SCN10A: variants seen among roughly 807,000 people sequenced by gnomAD.
SCN10A encodes the protein sodium channel protein type 10 subunit alpha.
SCN10A carries 162 observed loss-of-function variants against 170.7 expected under a neutral mutation model. The ratio of observed to expected loss-of-function variants is 0.95; its 90% CI spans 0.84 to 1.08. SCN10A has a LOEUF of 1.08. Among genes scored for constraint, SCN10A ranks in the 50% least tolerant of loss-of-function variants. The pLI is 0.00. For missense variants in SCN10A, 2,527 were observed against 2,436.9 expected, an observed-to-expected ratio of 1.04 and a Z score of -0.78; for synonymous variants, 985 against 904.6, an observed-to-expected ratio of 1.09 and a Z score of -1.59.
At chr3:38,699,518 C>T (rs1420061888) in intron 27 of SCN10A, among the ~76,000 whole-genome samples, 1 of 152,114 alleles carries the variant, frequency 6.6e-6, no homozygotes, top group Non-Finnish European at 1.5e-5. Flanking sequence ...TGCCAGGTTC[C>T]CTGGGCCCTC....
In SCN10A at chr3:38,736,963, G is replaced by GTTTTTTTTTTTTTTTTTTTTTTTTT. The variant is rs71085334; in HGVS notation, c.2280+2527_2280+2551dup. Among the ~76,000 whole-genome samples, 4 of 46,684 alleles carry GTTTTTTTTTTTTTTTTTTTTTTTTT rather than the reference G, an allele frequency of 8.6e-5. 1 individual carries two copies. The highest frequency in any genetic ancestry group is 2.0e-3 in the South Asian group (2 of 976). 30.6% of individuals were successfully genotyped at this position (46,684 alleles called of 152,430 possible). On this transcript the variant is annotated intron_variant, in intron 15 of 27. Transcript: ENST00000449082. Reference sequence around the variant, plus strand: ...TTCCCCAAGTGTAGCAGAAATGTTCGTTTTTTTTTTTTTTTTTTTTTTTTT... The same window carrying GTTTTTTTTTTTTTTTTTTTTTTTTT: ...TTCCCCAAGTGTAGCAGAAATGTTCGTTTTTTTTTTTTTTTTTTTTTTTTTTTTTTTTTTTTTTTTTTTTTTTTTT...
chr3:38,702,939 C>A (rs2063171921), intron 26 of SCN10A, among the ~76,000 whole-genome samples: 1 of 152,068 alleles, frequency 6.6e-6, no homozygotes, highest in Non-Finnish European at 1.5e-5. Context: ...TCCTTGATCC[C>A]AACCCCATTC....
chr3:38,735,737 C>G (rs1264318302), intron 15 of SCN10A, among the ~76,000 whole-genome samples: 2 of 152,176 alleles, frequency 1.3e-5, no homozygotes, highest in African/African-American at 4.8e-5. Context: ...GCAAATGGAG[C>G]AAGGCTTTAA....
Position 38,794,059 on chromosome 3 carries a change from TA to T in SCN10A, c.-32-18del. The T allele has an allele frequency of 6.4e-7, 1 of 1,567,438 alleles. No homozygotes were observed. The highest frequency in any genetic ancestry group is 1.1e-5 in the South Asian group (1 of 87,838). On this transcript the variant is annotated intron_variant, in intron 1 of 27. Transcript: ENST00000449082. ...ATTTATACTCTTATAAGAGTGGACA[TA>T]ACCACAGAGAGGTGACAGCTTGCCC...
At chr3:38,736,966 T>TTTTTTTTTTTTTTG (rs2063569220) in intron 15 of SCN10A, among the ~76,000 whole-genome samples, 1 of 68,460 alleles carries the variant, frequency 1.5e-5, no homozygotes, top group African/African-American at 1.3e-4. Context: ...AATGTTCGTT[T>TTTTTTTTTTTTTTG]TTTTTTTTTT....
intron 4 of SCN10A, among the ~76,000 whole-genome samples, chr3:38,772,322 G>GAAAAAAAAAAAAAAAAAAAA (rs147803028): frequency 1.5e-5 from 2 of 133,874 alleles, no homozygotes; most frequent in African/African-American, 2.8e-5. Flanking sequence ...CCAAACAACT[G>GAAAAAAAAAAAAAAAAAAAA]AAAAAAAAAA....
At chr3:38,791,906 G>A in intron 3 of SCN10A, 144 bp downstream of exon 3, 1 of 1,092,986 alleles carries the variant, frequency 9.1e-7, no homozygotes, top group Admixed American at 2.4e-5. Context: ...AAAGGCCCAA[G>A]CCATTTTTTC....
intron 1 of SCN10A, among the ~76,000 whole-genome samples, chr3:38,803,600 T>G (rs938511404): frequency 9.0e-5 from 12 of 132,972 alleles, no homozygotes; most frequent in African/African-American, 3.1e-4. Flanking sequence ...AATTGAAAAA[T>G]GAGAACACAT....
chr3:38,756,086 TG>T, intron 10 of SCN10A, 128 bp from the exon 11 acceptor site: 1 of 988,142 alleles, frequency 1.0e-6, no homozygotes, highest in Non-Finnish European at 1.5e-6. Context: ...AGGACCAGGG[TG>T]GTGGTGGGAT....
At chr3:38,762,698 C>G (rs2063888730) in intron 6 of SCN10A, among the ~76,000 whole-genome samples, 1 of 152,136 alleles carries the variant, frequency 6.6e-6, no homozygotes, top group African/African-American at 2.4e-5. Flanking sequence ...CCAGGGCTCT[C>G]TTCAAGAGGT....
rs772170435 is a variant in SCN10A at position 38,793,799 on chromosome 3, G to A, written c.212C>T (p.Pro71Leu). 5 of 1,613,882 alleles carry A rather than the reference G, an allele frequency of 3.1e-6. No individual in the cohort carries two copies. The highest frequency in any genetic ancestry group is 4.2e-6 in the Non-Finnish European group (5 of 1,179,906). The change falls in exon 2 of 28, where the codon CCA (proline) becomes CTA (leucine). Residue 71 changes from proline to leucine, a missense_variant. Transcript: ENST00000449082. ...CAGGGGCTCCCCGATCAGTTCTGCT[G>A]GGAGCTCACCATAGAACTTGGGCAG... Reference protein sequence around the residue: ...NQLPKFYGELPAELIGEPLED... With the variant: ...NQLPKFYGELLAELIGEPLED...
Position 38,771,327 on chromosome 3 carries a change from T to G in SCN10A, c.551A>C (p.Tyr184Ser). 6 of 1,614,132 alleles carry G rather than the reference T, an allele frequency of 3.7e-6. No individual in the cohort carries two copies. Among genetic ancestry groups the G allele is most frequent in the Non-Finnish European group, 5.1e-6 (6 of 1,179,996 alleles). ...ARGFCLNEFT[Y>S]LRDPWNWLDF... The stretch of plus-strand genomic sequence containing the variant: ...CAGCCAGTTCCAAGGATCTCTCAGG[T>G]ACGTGAACTCATTTAGACAAAATCC... The change falls in exon 5 of 28, where the codon TAC becomes TCC. Residue 184 changes from tyrosine (Y) to serine (S), a missense_variant. Transcript: ENST00000449082.
chr3:38,774,393 C>A (rs1384721277), intron 4 of SCN10A, among the ~76,000 whole-genome samples: 1 of 152,224 alleles, frequency 6.6e-6, no homozygotes, highest in Non-Finnish European at 1.5e-5. Flanking sequence ...CCCAGCTCAA[C>A]AGCAGCTAAT....
At chr3:38,743,112 C>T (rs1360022983) in intron 13 of SCN10A, among the ~76,000 whole-genome samples, 1 of 152,174 alleles carries the variant, frequency 6.6e-6, no homozygotes, top group Admixed American at 6.5e-5. Context: ...TCCTCTTCCC[C>T]CGTCTAACCT....
chr3:38,722,551 TG>T (rs1240085436), intron 19 of SCN10A, 139 bp from the exon 20 acceptor site: 1 of 909,502 alleles, frequency 1.1e-6, no homozygotes, highest in Non-Finnish European at 1.7e-6. Context: ...GGAATATGGG[TG>T]AAGAGGGGTC....
intron 5 of SCN10A, among the ~76,000 whole-genome samples, chr3:38,766,705 C>T (rs1297920189): frequency 6.6e-6 from 1 of 151,670 alleles, no homozygotes; most frequent in Non-Finnish European, 1.5e-5. Context: ...TTTTAAAAGT[C>T]CTTTTCTGGT....
At chr3:38,735,330 G>A (rs1377904783) in intron 15 of SCN10A, among the ~76,000 whole-genome samples, 3 of 151,988 alleles carry the variant, frequency 2.0e-5, no homozygotes, top group Non-Finnish European at 2.9e-5. Flanking sequence ...CAAAATGCTA[G>A]CCAAAAATGC....
intron 22 of SCN10A, among the ~76,000 whole-genome samples, chr3:38,713,685 C>G (rs988383562): frequency 2.0e-5 from 3 of 151,992 alleles, no homozygotes; most frequent in Admixed American, 1.3e-4. Flanking sequence ...ACCTGCAGAC[C>G]AGAGAAGTTT....
chr3:38,715,134 A>T (rs1415398175), intron 21 of SCN10A, among the ~76,000 whole-genome samples: 1 of 152,130 alleles, frequency 6.6e-6, no homozygotes, highest in Non-Finnish European at 1.5e-5. Flanking sequence ...AGCAGGTGAG[A>T]CCCAGCTGCC....
Sources: allele counts gnomAD v4.1 joint callset (sites outside exome capture counted in the v4.1 genomes callset), GRCh38; gene constraint gnomAD v4.1.1; transcripts MANE v1.5; gene names NCBI Gene and HGNC (gene_info 2026-07-23, HGNC 2026-07-21).